The following CERT1 variants were observed in gnomAD, a reference collection of about 807,000 sequenced individuals.
CERT1 encodes ceramide transporter 1, also known as ceramide transfer protein.
CERT1 carries 31 observed loss-of-function variants against 87.9 expected under a neutral mutation model. The observed-to-expected ratio is 0.35, with a 90% CI of 0.27 to 0.48. The LOEUF is 0.48. CERT1 is among the 20% of genes least tolerant of loss of function. The pLI is 0.99. For missense variants in CERT1, 487 were observed against 758.0 expected (o/e 0.64, Z 4.20); for synonymous variants, 289 against 250.9 (o/e 1.15, Z -1.44).
chr5:75,426,938 T>C (rs903122002), intron 3 of CERT1, among the ~76,000 whole-genome samples: 3 of 152,260 alleles, frequency 2.0e-5, no homozygotes, highest in African/African-American at 4.8e-5. Flanking sequence ...GGTAATTTTA[T>C]GTATTCTCAC....
At chr5:75,441,163 A>G (rs1252759951) in intron 3 of CERT1, among the ~76,000 whole-genome samples, 2 of 152,272 alleles carry the variant, frequency 1.3e-5, no homozygotes, top group Middle Eastern at 3.4e-3. Context: ...ATAATACCAT[A>G]TTTTTATTGT....
intron 3 of CERT1, among the ~76,000 whole-genome samples, chr5:75,441,189 T>C (rs1764306919): frequency 2.0e-5 from 3 of 152,206 alleles, no homozygotes; most frequent in Admixed American, 6.5e-5. Context: ...TTCTATGTTT[T>C]GACATACAAA....
At chr5:75,420,981 C>A (rs1763353622) in intron 5 of CERT1, among the ~76,000 whole-genome samples, 1 of 152,092 alleles carries the variant, frequency 6.6e-6, no homozygotes, top group Admixed American at 6.6e-5. Context: ...ACCAGCCCAG[C>A]TAATTTTTGT....
At chr5:75,370,207 TCA>T (rs1374456435) in intron 17 of CERT1, 1 of 152,226 alleles carries the variant, frequency 6.6e-6, no homozygotes, top group Admixed American at 6.5e-5. Context: ...TGTTTACAGA[TCA>T]CATTGTTTGG....
rs753522307 is a variant in CERT1, at chr5:75,511,330, G to T, written c.-123C>A. ...GCGAAGAGTGCCCGCTCCGGTGTGG[G>T]GGGGAGCAGGAGGAGGGACGAAGTC... On this transcript the variant is annotated 5_prime_UTR_variant, in exon 1 of 17. Coordinates refer to ENST00000643780, the MANE Select transcript of CERT1 (RefSeq NM_001379029.1). 1.9e-6 allele frequency: 3 copies of T among 1,547,048 alleles called. No homozygotes were observed. Among genetic ancestry groups the T allele is most frequent in the Admixed American group, 2.0e-5 (1 of 50,936 alleles).
At chr5:75,475,806 T>C (rs1765928515) in intron 2 of CERT1, among the ~76,000 whole-genome samples, 1 of 152,066 alleles carries the variant, frequency 6.6e-6, no homozygotes, top group Non-Finnish European at 1.5e-5. Flanking sequence ...TCACAGATGG[T>C]ATATAAACTT....
At chr5:75,389,815 G>T in intron 11 of CERT1, 128 bp from the exon 12 acceptor site, 1 of 664,626 alleles carries the variant, frequency 1.5e-6, no homozygotes. Context: ...ATGCACAAAG[G>T]TTAGTAGGTT....
At chr5:75,415,393 A>G (rs958199286) in intron 7 of CERT1, among the ~76,000 whole-genome samples, 1 of 152,212 alleles carries the variant, frequency 6.6e-6, no homozygotes, top group African/African-American at 2.4e-5. Context: ...GAGAAGCAAC[A>G]AAAGTGGTTT....
chr5:75,462,347 T>G (rs1765267449), intron 2 of CERT1, among the ~76,000 whole-genome samples: 1 of 152,228 alleles, frequency 6.6e-6, no homozygotes, highest in African/African-American at 2.4e-5. Context: ...TGTTCCACCT[T>G]GATCATCAGG....
chr5:75,412,710 C>G (rs1762980143), intron 7 of CERT1, among the ~76,000 whole-genome samples: 1 of 152,052 alleles, frequency 6.6e-6, no homozygotes, highest in African/African-American at 2.4e-5. Context: ...AGAAAAGGGA[C>G]AGGAAAAATA....
intron 2 of CERT1, among the ~76,000 whole-genome samples, chr5:75,467,150 G>A (rs1320390606): frequency 6.6e-6 from 1 of 152,224 alleles, no homozygotes; most frequent in African/African-American, 2.4e-5. Context: ...AATTATTGAT[G>A]CATTCAGCAA....
chr5:75,458,858 T>C (rs1765112203), intron 3 of CERT1, among the ~76,000 whole-genome samples: 1 of 152,132 alleles, frequency 6.6e-6, no homozygotes, highest in Admixed American at 6.5e-5. Flanking sequence ...CCGAGTAATA[T>C]TTATCATAGC....
intron 2 of CERT1, among the ~76,000 whole-genome samples, chr5:75,470,512 T>C (rs996026317): frequency 3.9e-5 from 6 of 152,160 alleles, no homozygotes; most frequent in Non-Finnish European, 8.8e-5. Flanking sequence ...ACAGAATTGA[T>C]GGACAAAAAC....
At chr5:75,472,101 T>C (rs1019624063) in intron 2 of CERT1, among the ~76,000 whole-genome samples, 1 of 152,108 alleles carries the variant, frequency 6.6e-6, no homozygotes, top group African/African-American at 2.4e-5. Context: ...TGTAATAGAA[T>C]AGAGTCCAGA....
chr5:75,384,748 T>C (rs766257182), intron 13 of CERT1, 36 bp from the exon 14 acceptor site: 2 of 1,327,418 alleles, frequency 1.5e-6, no homozygotes, highest in Non-Finnish European at 1.1e-6. Flanking sequence ...ATATATTATC[T>C]TTTCCTAGAA....
chr5:75,443,326 T>C (rs180728677), intron 3 of CERT1, among the ~76,000 whole-genome samples: 176 of 152,370 alleles, frequency 1.2e-3, no homozygotes, highest in African/African-American at 4.1e-3. Context: ...TGTTTACTAA[T>C]ATAAGTGTTT....
chr5:75,449,571 G>A (rs754824705), intron 3 of CERT1, among the ~76,000 whole-genome samples: 2 of 152,128 alleles, frequency 1.3e-5, no homozygotes, highest in Non-Finnish European at 2.9e-5. Flanking sequence ...ATGCATCTGA[G>A]CAGAGGGGAC....
intron 3 of CERT1, among the ~76,000 whole-genome samples, chr5:75,432,544 C>G (rs575082983): frequency 6.6e-6 from 1 of 152,130 alleles, no homozygotes; most frequent in African/African-American, 2.4e-5. Context: ...CTTTGCCCAT[C>G]GTTTAATGGG....
At chr5:75,405,940 T>A (rs1762692493) in intron 8 of CERT1, among the ~76,000 whole-genome samples, 1 of 151,918 alleles carries the variant, frequency 6.6e-6, no homozygotes, top group African/African-American at 2.4e-5. Flanking sequence ...TGTATCTAAT[T>A]TGTCAGTGCC....
Sources: allele counts gnomAD v4.1 joint callset (sites outside exome capture counted in the v4.1 genomes callset), GRCh38; gene constraint gnomAD v4.1.1; transcripts MANE v1.5; gene names NCBI Gene and HGNC (gene_info 2026-07-23, HGNC 2026-07-21).